Variants in MAPK7 observed in about 807,000 individuals in gnomAD.
MAPK7 encodes the protein BMK-1.
In MAPK7, 30 loss-of-function variants were observed where a neutral mutation model predicts 56.9. The ratio of observed to expected loss-of-function variants is 0.53; its 90% CI spans 0.39 to 0.72. MAPK7 has a LOEUF of 0.72. Ranked by LOEUF, MAPK7 falls within the 30% of genes least tolerant of loss-of-function variation. The pLI is 0.00. For synonymous variants in MAPK7, 516 were observed against 449.3 expected, an observed-to-expected ratio of 1.15 and a Z score of -1.88; for missense variants, 952 against 1,110.8, an observed-to-expected ratio of 0.86 and a Z score of 2.03.
Position 19,378,509 on chromosome 17 carries a change from A to G in MAPK7, c.-127A>G, listed in dbSNP as rs575678557. ...GGAGGGGGACGGACAGGGCAGCTCA[A>G]GACGCTGAGGTGGTGGCTGCGGCCT... On this transcript the variant is annotated 5_prime_UTR_variant, in exon 1 of 7. Transcript: ENST00000395604. The surrounding 1 kb of genome is among the most constrained non-coding windows in gnomAD (Gnocchi z 5.4). 2.7e-6 allele frequency: 3 copies of G among 1,094,544 alleles called. No homozygotes were observed. Among genetic ancestry groups the G allele is most frequent in the South Asian group, 5.2e-5 (2 of 38,610 alleles). 67.8% of individuals were successfully genotyped at this position (1,094,544 alleles called of 1,614,324 possible). A position where few individuals can be genotyped will look rare whatever the true frequency, so the allele number is the denominator to read the frequency against.
At chr17:19,377,875 C>T (rs1386324556), upstream of MAPK7, 7 of 985,294 alleles carry the variant, frequency 7.1e-6, no homozygotes, top group Admixed American at 3.7e-4. Context: ...GCCAGGAAAC[C>T]GCGAGCTGCA....
chr17:19,381,074 G>A lies in MAPK7; in HGVS notation c.865G>A (p.Val289Met). Residue 289 changes from valine to methionine, a missense_variant, in exon 4 of 7, where the codon GTG becomes ATG. By Grantham distance (21) the Val-to-Met change is conservative (BLOSUM62 1). This residue lies in a region of MAPK7 where 429 missense variants were observed against 533.0 expected (regional missense o/e 0.80). Transcript: ENST00000395604. This position sits in a 1 kb window ranked among gnomAD's most constrained non-coding sequence, Gnocchi z 4.6. ...CCCATCACCAGCCGTGATTCAGGCT[G>A]TGGGGGCTGAGAGGGTGCGGGCCTA... ...GTPSPAVIQA[V>M]GAERVRAYIQ... The A allele has an allele frequency of 6.2e-7, 1 of 1,614,138 alleles. No homozygotes were observed. Among genetic ancestry groups the A allele is most frequent in the South Asian group, 1.1e-5 (1 of 91,082 alleles).
Position 19,378,861 on chromosome 17 carries a change from T to C in MAPK7, c.-5-35T>C, listed in dbSNP as rs992016027. The C allele has an allele frequency of 1.3e-6, 2 of 1,482,052 alleles. No individual in the cohort carries two copies. The highest frequency in any genetic ancestry group is 1.8e-6 in the Non-Finnish European group (2 of 1,088,102). The allele number at this position is 1,482,052 out of a possible 1,614,324, so 91.8% of individuals were successfully genotyped here. A position where few individuals can be genotyped will look rare whatever the true frequency, so the allele number is the denominator to read the frequency against. Reference sequence around the variant, plus strand: ...GCAGAGGGGACACTGAGGCCCACGGTAGGTGGTCCTCTCCTCACCCGAGTC... The same window carrying C: ...GCAGAGGGGACACTGAGGCCCACGGCAGGTGGTCCTCTCCTCACCCGAGTC... On this transcript the variant is annotated intron_variant, in intron 1 of 6. Transcript: ENST00000395604. This position sits in a 1 kb window ranked among gnomAD's most constrained non-coding sequence, Gnocchi z 5.4.
At chr17:19,379,188 ACCGGC>A in intron 2 of MAPK7, 56 bp downstream of exon 2, 1 of 1,503,546 alleles carries the variant, frequency 6.7e-7, no homozygotes, top group Non-Finnish European at 9.1e-7. Context: ...GGAGTGGGAA[ACCGGC>A]CTGTCCCAGA....
At chr17:19,379,576 T>G in intron 2 of MAPK7, 1 of 593,646 alleles carries the variant, frequency 1.7e-6, no homozygotes, top group Non-Finnish European at 3.0e-6. Context: ...GTTGACCTAT[T>G]GGGACCTGCC....
At chr17:19,378,135 G>A (rs991303743), upstream of MAPK7, 7 of 976,326 alleles carry the variant, frequency 7.2e-6, no homozygotes, top group African/African-American at 1.1e-4. The surrounding 1 kb of genome is among the most constrained non-coding windows in gnomAD (Gnocchi z 5.4). Context: ...CTCAGGCCGG[G>A]CAGTTCCCCG....
chr17:19,382,689 A>T (rs1461408079), intron 5 of MAPK7, 124 bp from the exon 6 acceptor site: 1 of 1,441,174 alleles, frequency 6.9e-7, no homozygotes, highest in Non-Finnish European at 9.4e-7. Context: ...GCCAGCCAGC[A>T]CTCACTGACT....
intron 3 of MAPK7, 36 bp from the exon 4 acceptor site, chr17:19,380,572 G>T (rs780253070): frequency 2.6e-6 from 4 of 1,562,522 alleles, no homozygotes; most frequent in Admixed American, 3.5e-5. Flanking sequence ...GTGTGATCAG[G>T]CCAACCCATG....
At chr17:19,378,085 G>A (rs1402556037), upstream of MAPK7, 25 of 984,248 alleles carry the variant, frequency 2.5e-5, 1 homozygote, top group Non-Finnish European at 2.9e-5. The surrounding 1 kb of genome is among the most constrained non-coding windows in gnomAD (Gnocchi z 5.4). Context: ...AGGGGACTTC[G>A]GGAGCCAGTA....
Position 19,379,822 on chromosome 17 carries a change from T to C in MAPK7, c.273T>C (p.Asp91=), listed in dbSNP as rs1912487910. 1 of 1,614,242 alleles carries C rather than the reference T, an allele frequency of 6.2e-7. No homozygotes were observed. Among genetic ancestry groups the C allele is most frequent in the East Asian group, 2.2e-5 (1 of 44,884 alleles). The change falls in exon 3 of 7, where the codon GAT becomes GAC. Residue 91 remains aspartate (D), a synonymous_variant. Transcript: ENST00000395604. Reference sequence around the variant, plus strand: ...TCAAGAAGATCCCTAATGCTTTCGATGTGGTGACCAATGCCAAGCGGACCC... The same window carrying C: ...TCAAGAAGATCCCTAATGCTTTCGACGTGGTGACCAATGCCAAGCGGACCC... ...VAIKKIPNAF[D]VVTNAKRTLR...
upstream of MAPK7, chr17:19,378,232 T>G (rs1009073524): frequency 4.5e-5 from 44 of 985,690 alleles, no homozygotes; most frequent in Middle Eastern, 5.2e-4. This position sits in a 1 kb window ranked among gnomAD's most constrained non-coding sequence, Gnocchi z 5.4. Context: ...TTGCCTTCCA[T>G]TCACTTGGCG....
chr17:19,378,202 G>A, upstream of MAPK7: 1 of 985,144 alleles, frequency 1.0e-6, no homozygotes, highest in South Asian at 4.7e-5. This position sits in a 1 kb window ranked among gnomAD's most constrained non-coding sequence, Gnocchi z 5.4. Flanking sequence ...ATGGGGACGC[G>A]CGCGCTACGT....
At chr17:19,378,010 C>T (rs560190722), upstream of MAPK7, 18 of 985,268 alleles carry the variant, frequency 1.8e-5, no homozygotes, top group Admixed American at 9.2e-4. The surrounding 1 kb of genome is among the most constrained non-coding windows in gnomAD (Gnocchi z 5.4). Context: ...CACCCTCTAC[C>T]GGGGATGACA....
At position 19,381,535 on chromosome 17, in the gene MAPK7, C is replaced by T. The variant is rs1292707974; in HGVS notation, c.1326C>T (p.Pro442=). Residue 442 remains proline, a synonymous_variant, in exon 4 of 7, where the codon CCC becomes CCT. Coordinates refer to ENST00000395604, the MANE Select transcript of MAPK7 (RefSeq NM_002749.4). This position sits in a 1 kb window ranked among gnomAD's most constrained non-coding sequence, Gnocchi z 4.6. ...CACCACCAGCCCCGCCACCATGCCC[C>T]GGCCCTGCACCTGACACCATTGATC... ...ESPPPAPPPC[P]GPAPDTIDLT... is the part of the protein sequence containing the mutation. 6.8e-6 allele frequency: 11 copies of T among 1,613,496 alleles called. No individual in the cohort carries two copies. Among genetic ancestry groups the T allele is most frequent in the Middle Eastern group, 1.6e-4 (1 of 6,084 alleles).
rs976379277 is a variant in MAPK7, at chr17:19,380,916, T to C, written c.707T>C (p.Leu236Ser). The change falls in exon 4 of 7, where the codon TTG (leucine) becomes TCG (serine). Residue 236 changes from leucine (L) to serine (S), a missense_variant. Around this residue, in one of 5 missense-constraint regions of MAPK7, gnomAD observed 429 missense variants for 533.0 expected, o/e 0.80. Coordinates refer to ENST00000395604, the MANE Select transcript of MAPK7 (RefSeq NM_002749.4). ...CGTGCGCCCGAGCTCATGCTCTCTTTGCATGAGTATACACAGGCTATTGAC... is the reference window on the plus strand; with the variant it reads ...CGTGCGCCCGAGCTCATGCTCTCTTCGCATGAGTATACACAGGCTATTGAC... Reference protein sequence around the residue: ...WYRAPELMLSLHEYTQAIDLW... With the variant: ...WYRAPELMLSSHEYTQAIDLW... 5.6e-6 allele frequency: 9 copies of C among 1,614,224 alleles called. No individual in the cohort carries two copies. The highest frequency in any genetic ancestry group is 7.6e-6 in the Non-Finnish European group (9 of 1,180,030).
chr17:19,379,220 C>T (rs1912407486), intron 2 of MAPK7, 88 bp downstream of exon 2: 9 of 1,229,124 alleles, frequency 7.3e-6, no homozygotes, highest in Non-Finnish European at 1.0e-5. Context: ...GGAAGGAAAG[C>T]GGGGTGCGAG....
At position 19,378,572 on chromosome 17, in the gene MAPK7, GC is replaced by G; in HGVS notation, c.-63del. 2 of 1,214,672 alleles carry G rather than the reference GC, an allele frequency of 1.6e-6. No individual in the cohort carries two copies. Among genetic ancestry groups the G allele is most frequent in the Non-Finnish European group, 2.1e-6 (2 of 970,238 alleles). 75.2% of individuals were successfully genotyped at this position (1,214,672 alleles called of 1,614,324 possible). On this transcript the variant is annotated 5_prime_UTR_variant, in exon 1 of 7. Transcript: ENST00000395604. This position sits in a 1 kb window ranked among gnomAD's most constrained non-coding sequence, Gnocchi z 5.4. ...GTGAGCCACCCTCGGAGACCCCCGC[GC>G]TGGGGACGGGAGGCCGGCGAGCCTC...
intron 2 of MAPK7, 166 bp downstream of exon 2, chr17:19,379,298 T>C: frequency 1.5e-6 from 1 of 651,308 alleles, no homozygotes. Context: ...GGCTCGGTTC[T>C]CTGAAACTCC....
In MAPK7 at chr17:19,382,195, C is replaced by T. The variant is rs201095735; in HGVS notation, c.1892C>T (p.Pro631Leu). 151 of 1,612,406 alleles carry T rather than the reference C, an allele frequency of 9.4e-5. 1 individual carries two copies. The African/African-American group carries it at 1.5e-3, about 16-fold the overall frequency. Residue 631 changes from proline to leucine, a missense_variant, in exon 5 of 7, where the codon CCT becomes CTT. Around this residue, in one of 5 missense-constraint regions of MAPK7, gnomAD observed 234 missense variants for 210.4 expected, o/e 1.11. Coordinates refer to ENST00000395604, the MANE Select transcript of MAPK7 (RefSeq NM_002749.4). ...AGSTSGPVPQ[P>L]ACPPPGPAPH... The stretch of plus-strand genomic sequence containing the variant: ...TCTACCTCTGGCCCTGTACCCCAGC[C>T]TGCCTGCCCACCCCCTGGCCCTGCA...
Sources: gnomAD v4.1 joint callset for allele counts on GRCh38, gnomAD v4.1.1 for gene constraint, gnomAD v4.1.1 regional missense constraint, Gnocchi (gnomAD v3.1) non-coding constraint, MANE v1.5 for transcripts, NCBI Gene and HGNC (gene_info 2026-07-23, HGNC 2026-07-21) for gene names.